The following TGFB3 variants were observed in gnomAD, a reference collection of about 807,000 sequenced individuals.
TGFB3 encodes transforming growth factor beta 3, also known as transforming growth factor beta-3 proprotein.
A neutral mutation model predicts 40.1 loss-of-function variants in TGFB3; 5 were observed. The ratio of observed to expected loss-of-function variants is 0.12; its 90% CI spans 0.07 to 0.26. TGFB3 has a LOEUF of 0.26. Among genes scored for constraint, TGFB3 ranks in the 10% least tolerant of loss-of-function variants. The pLI, the probability that TGFB3 is intolerant of heterozygous loss-of-function variation, is 1.00. For synonymous variants in TGFB3, 184 were observed against 205.6 expected, an observed-to-expected ratio of 0.89 and a Z score of 0.90; for missense variants, 373 against 530.1, an observed-to-expected ratio of 0.70 and a Z score of 2.91.
Position 75,980,146 on chromosome 14 carries a change from C to T in TGFB3, c.352+396G>A, listed in dbSNP as rs1393853705. ...AAGATGAGGTCTCCACACTGAGAAC[C>T]GTAAGGGCTCCTGACAGAGCCGGCC... is the stretch of plus-strand genomic sequence containing the variant. On this transcript the variant is annotated intron_variant, in intron 1 of 6. Coordinates refer to ENST00000238682, the MANE Select transcript of TGFB3 (RefSeq NM_003239.5). This position sits in a 1 kb window ranked among gnomAD's most constrained non-coding sequence, Gnocchi z 4.3. Among the ~76,000 whole-genome samples, 3 of 152,200 alleles carry T rather than the reference C, an allele frequency of 2.0e-5. No individual in the cohort carries two copies. The highest frequency in any genetic ancestry group is 6.5e-5 in the Admixed American group (1 of 15,286).
chr14:75,974,764 CAAA>C (rs763057157), intron 1 of TGFB3, among the ~76,000 whole-genome samples: 4 of 110,826 alleles, frequency 3.6e-5, no homozygotes, highest in East Asian at 2.6e-4. Context: ...GACTCCATCT[CAAA>C]AAAAAAAAAA....
upstream of TGFB3, among the ~76,000 whole-genome samples, chr14:75,982,057 G>T (rs867431530): frequency 1.3e-5 from 2 of 152,138 alleles, no homozygotes; most frequent in Admixed American, 6.5e-5. The surrounding 1 kb of genome is among the most constrained non-coding windows in gnomAD (Gnocchi z 4.0). Context: ...GGCCTGGGGT[G>T]GGGGAGGGAG....
Position 75,971,331 on chromosome 14 carries a change from G to C in TGFB3, c.517-76C>G. On this transcript the variant is annotated intron_variant, in intron 2 of 6. Transcript: ENST00000238682. The surrounding 1 kb of genome is among the most constrained non-coding windows in gnomAD (Gnocchi z 4.5). ...AGAAGATGTCACAATGCAGAGCACAGGTGAGGGAGCGATAGGAAACCAGTG... is the reference window on the plus strand; with the variant it reads ...AGAAGATGTCACAATGCAGAGCACACGTGAGGGAGCGATAGGAAACCAGTG... The C allele has an allele frequency of 1.2e-6, 2 of 1,608,494 alleles. No individual in the cohort carries two copies. The highest frequency in any genetic ancestry group is 1.7e-6 in the Non-Finnish European group (2 of 1,177,268).
At chr14:75,962,551 C>A (rs959019852) in intron 5 of TGFB3, among the ~76,000 whole-genome samples, 1 of 152,182 alleles carries the variant, frequency 6.6e-6, no homozygotes, top group Admixed American at 6.5e-5. Context: ...TGCAGTGCTT[C>A]CCCTCCTGGA....
At chr14:75,982,687 T>C (rs866366195), upstream of TGFB3, 7 of 20,194 alleles carry the variant, frequency 3.5e-4, no homozygotes, top group Non-Finnish European at 6.4e-4. The surrounding 1 kb of genome is among the most constrained non-coding windows in gnomAD (Gnocchi z 4.0). Context: ...GGCTGCGGGG[T>C]GGGGGCTGAG....
intron 1 of TGFB3, among the ~76,000 whole-genome samples, chr14:75,977,756 CCTG>C (rs1335785011): frequency 1.3e-5 from 2 of 151,588 alleles, no homozygotes; most frequent in African/African-American, 4.9e-5. Flanking sequence ...TCTGACCTCT[CCTG>C]CTTGGTCCAA....
Position 75,959,004 on chromosome 14 carries a change from G to A in TGFB3, c.*183C>T. ...AAACCCACACTTTCTTTACCACCGTGATTCTCAGAGCCAGCAAGAAAGAAA... is the reference window on the plus strand; with the variant it reads ...AAACCCACACTTTCTTTACCACCGTAATTCTCAGAGCCAGCAAGAAAGAAA... On this transcript the variant is annotated 3_prime_UTR_variant, in exon 7 of 7. Transcript: ENST00000238682. 1.4e-6 allele frequency: 1 copy of A among 734,886 alleles called. No homozygotes were observed. The highest frequency in any genetic ancestry group is 2.3e-6 in the Non-Finnish European group (1 of 426,744). 45.5% of individuals were successfully genotyped at this position (734,886 alleles called of 1,614,324 possible).
chr14:75,963,837 G>T (rs1207489084), intron 4 of TGFB3, among the ~76,000 whole-genome samples: 2 of 152,018 alleles, frequency 1.3e-5, no homozygotes, highest in Admixed American at 6.5e-5. Flanking sequence ...TTACTAAGTG[G>T]GTACCTAACA....
At chr14:75,968,359 T>C (rs1168501217) in intron 3 of TGFB3, among the ~76,000 whole-genome samples, 1 of 151,940 alleles carries the variant, frequency 6.6e-6, no homozygotes, top group Non-Finnish European at 1.5e-5. Flanking sequence ...AAGTGTGAAC[T>C]GAAGGTTCCA....
intron 5 of TGFB3, among the ~76,000 whole-genome samples, chr14:75,962,117 A>G (rs2035164614): frequency 6.6e-6 from 1 of 152,168 alleles, no homozygotes. Context: ...CATACTAAGC[A>G]TGGCAGACTG....
Position 75,981,356 on chromosome 14 carries a change from C to A in TGFB3, c.-463G>T. 6.2e-6 allele frequency: 1 copy of A among 162,380 alleles called. No homozygotes were observed. Among genetic ancestry groups the A allele is most frequent in the South Asian group, 1.6e-4 (1 of 6,258 alleles). 10.1% of individuals were successfully genotyped at this position (162,380 alleles called of 1,614,324 possible). ...AAGCAGAAGGACCATGGCTGGGTCC[C>A]AAAATCAAAATCCTTGCCTTGCCTT... On this transcript the variant is annotated 5_prime_UTR_variant, in exon 1 of 7. Coordinates refer to ENST00000238682, the MANE Select transcript of TGFB3 (RefSeq NM_003239.5). The surrounding 1 kb of genome is among the most constrained non-coding windows in gnomAD (Gnocchi z 4.7).
Position 75,979,699 on chromosome 14 carries a change from C to T in TGFB3, c.352+843G>A, listed in dbSNP as rs978199803. Among the ~76,000 whole-genome samples, 14 of 149,882 alleles carry T rather than the reference C, an allele frequency of 9.3e-5. No homozygotes were observed. Among genetic ancestry groups the T allele is most frequent in the Non-Finnish European group, 1.9e-4 (13 of 66,954 alleles). The stretch of plus-strand genomic sequence containing the variant: ...GGACGGCAGGCTCCCAGACATATCC[C>T]CCCCCCCCACCATGCACCCACTGCC... On this transcript the variant is annotated intron_variant, in intron 1 of 6. Transcript: ENST00000238682. The surrounding 1 kb of genome is among the most constrained non-coding windows in gnomAD (Gnocchi z 4.8).
intron 3 of TGFB3, among the ~76,000 whole-genome samples, chr14:75,969,054 C>T (rs779226532): frequency 6.6e-6 from 1 of 152,088 alleles, no homozygotes; most frequent in South Asian, 2.1e-4. Flanking sequence ...GGAAATCTTT[C>T]GATTTTTCAA....
At chr14:75,963,534 A>G (rs182327601) in intron 4 of TGFB3, 47 bp from the exon 5 acceptor site, 490 of 1,611,934 alleles carry the variant, frequency 3.0e-4, no homozygotes, top group Non-Finnish European at 4.0e-4. Context: ...AAGAGAGCAG[A>G]GCCCTTGGAG....
intron 1 of TGFB3, among the ~76,000 whole-genome samples, chr14:75,977,235 C>A (rs1479032440): frequency 1.3e-5 from 2 of 152,180 alleles, no homozygotes; most frequent in East Asian, 1.9e-4. Context: ...AACAAGTCTC[C>A]GAACAGAGAC....
intron 3 of TGFB3, among the ~76,000 whole-genome samples, chr14:75,967,578 C>T (rs767436017): frequency 2.0e-5 from 3 of 152,156 alleles, no homozygotes; most frequent in Non-Finnish European, 4.4e-5. Context: ...AAGGTGCAGA[C>T]AGCTGTGTTG....
intron 5 of TGFB3, 127 bp from the exon 6 acceptor site, chr14:75,961,203 C>T: frequency 9.1e-7 from 1 of 1,103,358 alleles, no homozygotes; most frequent in Admixed American, 2.0e-5. Context: ...AATGGAATCC[C>T]AGGTTCAAGG....
At chr14:75,972,671 G>T (rs2268623) in intron 1 of TGFB3, among the ~76,000 whole-genome samples, 5 of 151,988 alleles carry the variant, frequency 3.3e-5, no homozygotes, top group African/African-American at 9.7e-5. Flanking sequence ...TGAGTAAGAG[G>T]GGCCCGAAAC....
Position 75,971,585 on chromosome 14 carries a change from C to G in TGFB3, c.486G>C (p.Lys162Asn), listed in dbSNP as rs1236313738. Residue 162 changes from lysine to asparagine, a missense_variant, in exon 2 of 7, where the codon AAG becomes AAC. Lys to Asn is a moderately conservative substitution (Grantham distance 94). Transcript: ENST00000238682. The surrounding 1 kb of genome is among the most constrained non-coding windows in gnomAD (Gnocchi z 4.5). ...RVLRVPNPSS[K>N]RNEQRIELFQ... Reference sequence around the variant, plus strand: ...AGAGCTCGATCCTCTGCTCATTCCGCTTAGAGCTGGGGTTGGGCACCCGCA... The same window carrying G: ...AGAGCTCGATCCTCTGCTCATTCCGGTTAGAGCTGGGGTTGGGCACCCGCA... 2 of 1,614,102 alleles carry G rather than the reference C, an allele frequency of 1.2e-6. No homozygotes were observed. The highest frequency in any genetic ancestry group is 2.2e-5 in the South Asian group (2 of 91,092).
Sources: allele counts gnomAD v4.1 joint callset (sites outside exome capture counted in the v4.1 genomes callset), GRCh38; gene constraint gnomAD v4.1.1; non-coding constraint Gnocchi (gnomAD v3.1); transcripts MANE v1.5; gene names NCBI Gene and HGNC (gene_info 2026-07-23, HGNC 2026-07-21).